PCDHGA1: variants seen among roughly 807,000 people sequenced by gnomAD.
The protein encoded by PCDHGA1 is protocadherin gamma-A1.
A neutral mutation model predicts 58.0 loss-of-function variants in PCDHGA1; 32 were observed. The ratio of observed to expected loss-of-function variants is 0.55; its 90% CI spans 0.42 to 0.74. The LOEUF is 0.74. Ranked by LOEUF, PCDHGA1 falls within the 30% of genes least tolerant of loss-of-function variation. The pLI, the probability that PCDHGA1 is intolerant of heterozygous loss-of-function variation, is 0.00. For synonymous variants in PCDHGA1, 498 were observed against 501.1 expected (o/e 0.99, Z 0.08); for missense variants, 1,205 against 1,182.3 (o/e 1.02, Z -0.28).
chr5:141,376,859 T>C, intron 1 of PCDHGA1: 1 of 231,414 alleles, frequency 4.3e-6, no homozygotes, highest in South Asian at 6.4e-5. Context: ...GCTAATTTTT[T>C]TGTATTTTTA....
At chr5:141,465,714 C>T (rs1015102102) in intron 1 of PCDHGA1, among the ~76,000 whole-genome samples, 4 of 152,200 alleles carry the variant, frequency 2.6e-5, no homozygotes, top group Non-Finnish European at 5.9e-5. Context: ...AATGCCACCA[C>T]TTCCACCTCT....
chr5:141,338,838 C>A (rs1187461112), intron 1 of PCDHGA1: 1 of 1,394,352 alleles, frequency 7.2e-7, no homozygotes, highest in African/African-American at 1.4e-5. Flanking sequence ...GAAATTCAGT[C>A]GAACAGCCCA....
At chr5:141,340,900 G>C in intron 1 of PCDHGA1, 2 of 1,613,754 alleles carry the variant, frequency 1.2e-6, no homozygotes. Flanking sequence ...AGAGCCTCGT[G>C]GTGGCCATCC....
intron 1 of PCDHGA1, chr5:141,350,915 C>G: frequency 6.2e-7 from 1 of 1,614,100 alleles, no homozygotes; most frequent in Middle Eastern, 1.6e-4. Context: ...GGACCCGCCT[C>G]TAAGCGGCAC....
At chr5:141,433,124 G>T in intron 1 of PCDHGA1, 5 of 1,614,136 alleles carry the variant, frequency 3.1e-6, no homozygotes, top group Non-Finnish European at 4.2e-6. Context: ...TGAAAAAAGC[G>T]AGCCCCTTTT....
At chr5:141,433,253 G>C (rs1288721469) in intron 1 of PCDHGA1, 1 of 1,416,466 alleles carries the variant, frequency 7.1e-7, no homozygotes, top group East Asian at 2.3e-5. Flanking sequence ...GAATGCAGCG[G>C]TACGATCATA....
intron 1 of PCDHGA1, chr5:141,422,764 G>A: frequency 1.2e-6 from 2 of 1,613,582 alleles, no homozygotes; most frequent in Non-Finnish European, 8.5e-7. Flanking sequence ...CTCCAACACT[G>A]GTGTTCTCTA....
chr5:141,370,214 C>T (rs988145754), intron 1 of PCDHGA1: 21 of 565,608 alleles, frequency 3.7e-5, no homozygotes, highest in African/African-American at 3.8e-5. Context: ...ATTGGCTCCT[C>T]CCGCTGCAGC....
intron 1 of PCDHGA1, among the ~76,000 whole-genome samples, chr5:141,401,410 A>T (rs536817103): frequency 2.6e-5 from 4 of 152,354 alleles, no homozygotes; most frequent in African/African-American, 9.6e-5. Context: ...TGAGAGAGAA[A>T]GAGAGAGACT....
At chr5:141,445,118 G>A (rs964726987) in intron 1 of PCDHGA1, among the ~76,000 whole-genome samples, 1 of 152,148 alleles carries the variant, frequency 6.6e-6, no homozygotes, top group Non-Finnish European at 1.5e-5. Flanking sequence ...ATTGTAAATA[G>A]TATTTTTAAA....
At chr5:141,384,259 C>A in intron 1 of PCDHGA1, 1 of 1,613,886 alleles carries the variant, frequency 6.2e-7, no homozygotes, top group Non-Finnish European at 8.5e-7. Flanking sequence ...CACCTTCCCC[C>A]ACTCATCCTA....
chr5:141,332,728 G>A lies in PCDHGA1; in HGVS notation c.2044G>A (p.Ala682Thr). Residue 682 changes from alanine (A) to threonine (T), a missense_variant, in exon 1 of 4, where the codon GCC becomes ACC. By Grantham distance (58) the Ala-to-Thr change is moderately conservative (BLOSUM62 0). Transcript: ENST00000517417. This position sits in a 1 kb window ranked among gnomAD's most constrained non-coding sequence, Gnocchi z 4.6. ...LADLGSLEPS[A>T]KPNDSDLTLY... ...CGACCTGGGCAGCCTCGAGCCCTCC[G>A]CCAAACCCAACGATTCGGACCTCAC... 1 of 1,614,012 alleles carries A rather than the reference G, an allele frequency of 6.2e-7. No individual in the cohort carries two copies. The highest frequency in any genetic ancestry group is 8.5e-7 in the Non-Finnish European group (1 of 1,179,970).
intron 1 of PCDHGA1, chr5:141,400,564 C>G (rs532914635): frequency 1.9e-6 from 3 of 1,612,936 alleles, no homozygotes; most frequent in Admixed American, 1.7e-5. Flanking sequence ...ATTACCCACC[C>G]AATTTTCTGT....
intron 1 of PCDHGA1, chr5:141,366,290 C>T: frequency 6.2e-7 from 1 of 1,613,732 alleles, no homozygotes; most frequent in Admixed American, 1.7e-5. Context: ...CCAGCCCCCT[C>T]TGTCAGCCAC....
intron 1 of PCDHGA1, chr5:141,355,436 C>G: frequency 1.2e-6 from 2 of 1,614,090 alleles, no homozygotes; most frequent in Non-Finnish European, 1.7e-6. Context: ...GCCCTGAACC[C>G]GCGCAGCGGC....
intron 1 of PCDHGA1, among the ~76,000 whole-genome samples, chr5:141,353,575 G>A (rs2149775873): frequency 6.6e-6 from 1 of 152,154 alleles, no homozygotes; most frequent in Middle Eastern, 3.4e-3. Flanking sequence ...TATAATTTCA[G>A]TCAATGATAT....
rs762196264 is a variant in PCDHGA1, at chr5:141,364,884, G to A, written c.2421+31779G>A. The stretch of plus-strand genomic sequence containing the variant: ...CACTTCTCTCTGGATGTGGTAAGCG[G>A]AACTGATGGACAAAAGTATCCGGAG... On this transcript the variant is annotated intron_variant, in intron 1 of 3. Transcript: ENST00000517417. 1.9e-6 allele frequency: 3 copies of A among 1,613,884 alleles called. No individual in the cohort carries two copies. The Admixed American group carries it at 5.0e-5, about 27-fold the overall frequency.
In PCDHGA1 at chr5:141,353,262, A is replaced by G. The variant is rs1401418030; in HGVS notation, c.2421+20157A>G. On this transcript the variant is annotated intron_variant, in intron 1 of 3. Transcript: ENST00000517417. ...AGTGCCTTTTCTTAGTTGATATGCA[A>G]TACTATATTTTCAAGTCATTTTATT... Among the ~76,000 whole-genome samples, 4 of 152,180 alleles carry G rather than the reference A, an allele frequency of 2.6e-5. No individual in the cohort carries two copies. In the East Asian group the frequency reaches 7.7e-4, roughly 29 times the overall value.
At chr5:141,499,399 C>A (rs2099791676) in intron 2 of PCDHGA1, among the ~76,000 whole-genome samples, 1 of 152,072 alleles carries the variant, frequency 6.6e-6, no homozygotes, top group Non-Finnish European at 1.5e-5. Flanking sequence ...ATAGTACATG[C>A]TCATTATAGA....
Sources: gnomAD v4.1 joint callset for allele counts (sites outside exome capture counted in the v4.1 genomes callset) on GRCh38, gnomAD v4.1.1 for gene constraint, Gnocchi (gnomAD v3.1) non-coding constraint, MANE v1.5 for transcripts, NCBI Gene and HGNC (gene_info 2026-07-23, HGNC 2026-07-21) for gene names.